EPHA3: variants seen among roughly 807,000 people sequenced by gnomAD.
EPHA3 encodes ephrin type-A receptor 3.
In EPHA3, 42 loss-of-function variants were observed where a neutral mutation model predicts 107.1. That is an observed-to-expected ratio of 0.39 (90% CI 0.31 to 0.51). The LOEUF is 0.51. Among genes scored for constraint, EPHA3 ranks in the 20% least tolerant of loss-of-function variants. The pLI, the probability that EPHA3 is intolerant of heterozygous loss-of-function variation, is 0.78. For synonymous variants in EPHA3, 461 were observed against 424.8 expected, an observed-to-expected ratio of 1.09 and a Z score of -1.05; for missense variants, 1,183 against 1,211.2, an observed-to-expected ratio of 0.98 and a Z score of 0.35.
intron 2 of EPHA3, among the ~76,000 whole-genome samples, chr3:89,138,870 A>G (rs1408229302): frequency 6.6e-6 from 1 of 151,928 alleles, no homozygotes; most frequent in Non-Finnish European, 1.5e-5. Flanking sequence ...ATAAAGGCAC[A>G]AAACAAAGAG....
intron 2 of EPHA3, among the ~76,000 whole-genome samples, chr3:89,201,495 G>T (rs1705968417): frequency 6.6e-6 from 1 of 152,166 alleles, no homozygotes; most frequent in Non-Finnish European, 1.5e-5. Flanking sequence ...CACTCCACAA[G>T]CCACCATATT....
At chr3:89,155,726 C>T (rs1704789130) in intron 2 of EPHA3, among the ~76,000 whole-genome samples, 13 of 152,014 alleles carry the variant, frequency 8.6e-5, no homozygotes, top group Admixed American at 8.5e-4. Context: ...AATAAAACCA[C>T]TTCTCATATA....
chr3:89,147,022 C>T (rs1022048657), intron 2 of EPHA3, among the ~76,000 whole-genome samples: 8 of 151,778 alleles, frequency 5.3e-5, no homozygotes. Context: ...AAAATGAGTC[C>T]ATGTCCTTTG....
chr3:89,268,776 G>A (rs941396150), intron 3 of EPHA3, among the ~76,000 whole-genome samples: 1 of 151,908 alleles, frequency 6.6e-6, no homozygotes, highest in Non-Finnish European at 1.5e-5. Context: ...TCTGAGGAAA[G>A]TGAAATTTAT....
At chr3:89,143,492 A>G (rs1294036635) in intron 2 of EPHA3, among the ~76,000 whole-genome samples, 1 of 151,570 alleles carries the variant, frequency 6.6e-6, no homozygotes, top group African/African-American at 2.4e-5. Context: ...TTCTTGCACT[A>G]GAGCTATCAA....
At chr3:89,431,421 G>C in intron 13 of EPHA3, 62 bp downstream of exon 13, 1 of 1,418,480 alleles carries the variant, frequency 7.0e-7, no homozygotes, top group Non-Finnish European at 9.7e-7. Flanking sequence ...ATGTTGATTT[G>C]TAAATAAGTA....
chr3:89,232,701 G>A (rs141211318), intron 3 of EPHA3, among the ~76,000 whole-genome samples: 4 of 152,260 alleles, frequency 2.6e-5, no homozygotes, highest in Non-Finnish European at 4.4e-5. Flanking sequence ...ATTTTACAAT[G>A]TGTTATACAA....
intron 5 of EPHA3, among the ~76,000 whole-genome samples, chr3:89,363,139 G>A (rs1320706228): frequency 6.6e-6 from 1 of 150,894 alleles, no homozygotes; most frequent in Non-Finnish European, 1.5e-5. Flanking sequence ...ACATATTAAT[G>A]AAGTTTCTCC....
At chr3:89,177,644 C>A (rs1705349317) in intron 2 of EPHA3, among the ~76,000 whole-genome samples, 1 of 152,074 alleles carries the variant, frequency 6.6e-6, no homozygotes, top group African/African-American at 2.4e-5. Context: ...ACTCAAATTG[C>A]CAGAAAATGT....
At chr3:89,185,944 A>C (rs1705554493) in intron 2 of EPHA3, among the ~76,000 whole-genome samples, 1 of 152,074 alleles carries the variant, frequency 6.6e-6, no homozygotes, top group Non-Finnish European at 1.5e-5. Context: ...CATATTACAA[A>C]TAATGCTTAT....
At chr3:89,227,114 TA>T (rs1287271108) in intron 3 of EPHA3, among the ~76,000 whole-genome samples, 2 of 152,106 alleles carry the variant, frequency 1.3e-5, no homozygotes, top group African/African-American at 4.8e-5. Context: ...TTCAGTCAGG[TA>T]TATAATCAGT....
chr3:89,195,778 C>T (rs1705824199), intron 2 of EPHA3, among the ~76,000 whole-genome samples: 1 of 152,074 alleles, frequency 6.6e-6, no homozygotes, highest in African/African-American at 2.4e-5. Flanking sequence ...ATCCATCTGC[C>T]TCCATTCCTC....
At chr3:89,212,297 G>A (rs1704120651) in intron 3 of EPHA3, among the ~76,000 whole-genome samples, 2 of 151,860 alleles carry the variant, frequency 1.3e-5, no homozygotes, top group Admixed American at 1.3e-4. Context: ...CTGGGATCTG[G>A]GCAGACTTGC....
rs1471934118 is a variant in EPHA3 at position 89,350,835 on chromosome 3, A to G, written c.1306+8745A>G. Among the ~76,000 whole-genome samples the G allele has an allele frequency of 1.3e-5, 2 of 151,202 alleles. 1 individual carries two copies. Among genetic ancestry groups the G allele is most frequent in the Non-Finnish European group, 3.0e-5 (2 of 67,586 alleles). ...TCTGTTTGTTAGTTTTCCTTCTAAC[A>G]GACAGGACCCTCAGCTGCAGGTCTG... On this transcript the variant is annotated intron_variant, in intron 5 of 16. Transcript: ENST00000336596.
chr3:89,273,084 T>G (rs1182251169), intron 3 of EPHA3, among the ~76,000 whole-genome samples: 1 of 151,888 alleles, frequency 6.6e-6, no homozygotes, highest in African/African-American at 2.4e-5. Flanking sequence ...GAAGATAAAT[T>G]TTCAACATTT....
intron 3 of EPHA3, among the ~76,000 whole-genome samples, chr3:89,244,089 T>G (rs1480647205): frequency 6.6e-6 from 1 of 152,112 alleles, no homozygotes; most frequent in Non-Finnish European, 1.5e-5. Context: ...AATATGGCCC[T>G]TACACATCAT....
intron 2 of EPHA3, among the ~76,000 whole-genome samples, chr3:89,140,256 C>G (rs1419719054): frequency 6.6e-6 from 1 of 151,848 alleles, no homozygotes; most frequent in Non-Finnish European, 1.5e-5. Context: ...ATAAATATCA[C>G]ATAGTTTCAA....
At chr3:89,115,246 CTT>C (rs138492059) in intron 1 of EPHA3, among the ~76,000 whole-genome samples, 12 of 146,892 alleles carry the variant, frequency 8.2e-5, no homozygotes, top group East Asian at 2.0e-4. Context: ...TGAAGAATAT[CTT>C]TTTTTTTTTT....
chr3:89,228,236 G>A (rs1162717110), intron 3 of EPHA3, among the ~76,000 whole-genome samples: 11 of 151,900 alleles, frequency 7.2e-5, no homozygotes. Context: ...GACAGAGTGT[G>A]TATAATTGGC....
Sources: allele counts gnomAD v4.1 joint callset (sites outside exome capture counted in the v4.1 genomes callset), GRCh38; gene constraint gnomAD v4.1.1; transcripts MANE v1.5; gene names NCBI Gene and HGNC (gene_info 2026-07-23, HGNC 2026-07-21).